The following HIP1 variants were observed in gnomAD, a reference collection of about 807,000 sequenced individuals.
The protein encoded by HIP1 is huntingtin-interacting protein 1.
Under a neutral mutation model 147.6 loss-of-function variants are expected in HIP1, and 65 were observed. The observed-to-expected ratio is 0.44, with a 90% CI of 0.36 to 0.54. The LOEUF is 0.54. HIP1 is among the 20% of genes least tolerant of loss of function. HIP1 has a pLI of 0.00. For missense variants in HIP1, 1,061 were observed against 1,299.6 expected (o/e 0.82, Z 2.82); for synonymous variants, 479 against 504.0 (o/e 0.95, Z 0.67).
intron 1 of HIP1, among the ~76,000 whole-genome samples, chr7:75,648,598 AC>A (rs1441550673): frequency 3.3e-5 from 5 of 152,040 alleles, no homozygotes; most frequent in Non-Finnish European, 5.9e-5. Flanking sequence ...TGCCAGGTGC[AC>A]CCCCAGAACC....
At chr7:75,552,583 C>G (rs1326084285) in intron 22 of HIP1, among the ~76,000 whole-genome samples, 1 of 152,094 alleles carries the variant, frequency 6.6e-6, no homozygotes, top group Admixed American at 6.6e-5. Flanking sequence ...TATTGAACTC[C>G]TGGCCTCAAG....
At chr7:75,592,687 G>A (rs1173554257) in intron 2 of HIP1, among the ~76,000 whole-genome samples, 173 bp from the exon 3 acceptor site, 3 of 152,184 alleles carry the variant, frequency 2.0e-5, no homozygotes, top group Admixed American at 6.5e-5. Flanking sequence ...GCAGGGGACC[G>A]AGCAGTAGTG....
intron 29 of HIP1, among the ~76,000 whole-genome samples, chr7:75,541,394 G>A (rs1794306069): frequency 6.6e-6 from 1 of 152,196 alleles, no homozygotes; most frequent in Admixed American, 6.5e-5. Flanking sequence ...GCCAGGCATG[G>A]TGGTGGGCGC....
intron 1 of HIP1, among the ~76,000 whole-genome samples, chr7:75,620,472 A>T (rs1405560549): frequency 2.6e-5 from 4 of 151,606 alleles, no homozygotes; most frequent in Admixed American, 2.6e-4. Flanking sequence ...GGGTCACTTG[A>T]GGTCAGAAGT....
chr7:75,643,424 G>A (rs1410471854), intron 1 of HIP1, among the ~76,000 whole-genome samples: 1 of 152,126 alleles, frequency 6.6e-6, no homozygotes, highest in African/African-American at 2.4e-5. Context: ...TTGAGCCCAG[G>A]AGTTCGAGAC....
intron 1 of HIP1, among the ~76,000 whole-genome samples, chr7:75,652,403 C>T (rs1799026421): frequency 6.6e-6 from 1 of 151,708 alleles, no homozygotes; most frequent in Non-Finnish European, 1.5e-5. Context: ...GGGTGTTGCT[C>T]TGTCATCTGG....
intron 1 of HIP1, among the ~76,000 whole-genome samples, chr7:75,604,568 A>C (rs587629302): frequency 1.3e-5 from 2 of 152,166 alleles, no homozygotes; most frequent in South Asian, 4.1e-4. Context: ...CTGGAGACTG[A>C]GGTGGGAGGA....
At chr7:75,669,433 C>A (rs62475514) in intron 1 of HIP1, among the ~76,000 whole-genome samples, 1 of 151,456 alleles carries the variant, frequency 6.6e-6, no homozygotes, top group Admixed American at 6.6e-5. Context: ...TGTGGTGGTG[C>A]GTGCCTATAA....
chr7:75,730,072 G>A (rs1172812043), intron 1 of HIP1, among the ~76,000 whole-genome samples: 1 of 152,148 alleles, frequency 6.6e-6, no homozygotes, highest in East Asian at 1.9e-4. Context: ...GGGTACAGTT[G>A]TCCAGTGGGA....
At chr7:75,563,116 A>G (rs782252472) in intron 10 of HIP1, 41 bp from the exon 11 acceptor site, 2 of 1,614,046 alleles carry the variant, frequency 1.2e-6, no homozygotes, top group South Asian at 2.2e-5. Flanking sequence ...CTTGCTTGCC[A>G]GGCCCCGCCG....
intron 8 of HIP1, among the ~76,000 whole-genome samples, chr7:75,572,728 G>GGA (rs1795691097): frequency 1.3e-5 from 2 of 152,146 alleles, no homozygotes; most frequent in African/African-American, 4.8e-5. Context: ...TTGAGGGTCC[G>GGA]GAGCAGGCAG....
At chr7:75,679,483 C>A (rs1034962488) in intron 1 of HIP1, among the ~76,000 whole-genome samples, 1 of 152,152 alleles carries the variant, frequency 6.6e-6, no homozygotes, top group South Asian at 2.1e-4. Context: ...GGATTACTGG[C>A]GTGAGCAACT....
At chr7:75,684,447 C>CAAAAAAAAAA (rs59055803) in intron 1 of HIP1, among the ~76,000 whole-genome samples, 1 of 43,832 alleles carries the variant, frequency 2.3e-5, no homozygotes, top group Non-Finnish European at 4.9e-5. Flanking sequence ...GACTCCGTCT[C>CAAAAAAAAAA]AAAAAAAAAA....
intron 1 of HIP1, among the ~76,000 whole-genome samples, chr7:75,677,703 T>A (rs914334344): frequency 1.3e-5 from 2 of 151,680 alleles, no homozygotes; most frequent in Non-Finnish European, 2.9e-5. Context: ...GCTGCCTAAT[T>A]CTCCAGCTTC....
At chr7:75,574,781 G>A (rs1318193010) in intron 7 of HIP1, among the ~76,000 whole-genome samples, 2 of 152,190 alleles carry the variant, frequency 1.3e-5, no homozygotes, top group African/African-American at 2.4e-5. Context: ...GCTCAGGGAA[G>A]AAGAGATTTG....
rs376591621 is a variant in HIP1, at chr7:75,652,167, A to G, written c.121-52920T>C. Among the ~76,000 whole-genome samples, 23 of 149,340 alleles carry G rather than the reference A, an allele frequency of 1.5e-4. 1 individual carries two copies. Among genetic ancestry groups the G allele is most frequent in the African/African-American group, 5.7e-4 (23 of 40,460 alleles). On this transcript the variant is annotated intron_variant, in intron 1 of 30. Coordinates refer to ENST00000336926, the MANE Select transcript of HIP1 (RefSeq NM_005338.7). ...CCCATCTCTATGAAAAATAACAAAA[A>G]TTAGCTGGGCATGGTGGCGTGTACC...
At chr7:75,574,459 C>T (rs1795765393) in intron 7 of HIP1, among the ~76,000 whole-genome samples, 2 of 150,496 alleles carry the variant, frequency 1.3e-5, no homozygotes, top group Non-Finnish European at 3.0e-5. Context: ...CATGGTGGCA[C>T]ATGCCTGTAA....
intron 1 of HIP1, among the ~76,000 whole-genome samples, chr7:75,604,605 G>C (rs1166367375): frequency 6.6e-6 from 1 of 152,024 alleles, no homozygotes; most frequent in African/African-American, 2.4e-5. Context: ...GGCATTGGAG[G>C]CTGCAGTGAG....
intron 1 of HIP1, among the ~76,000 whole-genome samples, chr7:75,652,930 A>C (rs150548892): frequency 2.2e-4 from 33 of 152,292 alleles, no homozygotes; most frequent in African/African-American, 7.5e-4. Flanking sequence ...TAATGCAAAC[A>C]GAAGCTCCCA....
Sources: allele counts gnomAD v4.1 joint callset (sites outside exome capture counted in the v4.1 genomes callset), GRCh38; gene constraint gnomAD v4.1.1; transcripts MANE v1.5; gene names NCBI Gene and HGNC (gene_info 2026-07-23, HGNC 2026-07-21).